The following EXOC6B variants were observed in gnomAD, a reference collection of about 807,000 sequenced individuals.
EXOC6B encodes exocyst complex component 6B.
EXOC6B carries 54 observed loss-of-function variants against 113.5 expected under a neutral mutation model. The observed-to-expected ratio is 0.48, with a 90% CI of 0.38 to 0.60. The LOEUF is 0.60. Ranked by LOEUF, EXOC6B falls within the 20% of genes least tolerant of loss-of-function variation. The pLI is 0.00. For missense variants in EXOC6B, 797 were observed against 977.5 expected, an observed-to-expected ratio of 0.82 and a Z score of 2.46; for synonymous variants, 357 against 339.0, an observed-to-expected ratio of 1.05 and a Z score of -0.58.
intron 8 of EXOC6B, among the ~76,000 whole-genome samples, chr2:72,522,601 G>A (rs6750766): frequency 0.85 from 128,486 of 152,040 alleles, 54,929 homozygotes; most frequent in East Asian, 0.99. Flanking sequence ...CTCCCTATTC[G>A]ATATATTTTC....
chr2:72,335,548 G>GCA (rs70963124), intron 19 of EXOC6B, among the ~76,000 whole-genome samples: 2,075 of 134,960 alleles, frequency 0.015, 40 homozygotes, highest in African/African-American at 0.045. Flanking sequence ...CTGCATTATT[G>GCA]CACACACACA....
At chr2:72,330,202 G>A (rs2104862088) in intron 20 of EXOC6B, among the ~76,000 whole-genome samples, 1 of 152,130 alleles carries the variant, frequency 6.6e-6, no homozygotes, top group East Asian at 1.9e-4. Context: ...AACATGGAAG[G>A]TAAACTATCA....
rs148269825 is a variant in EXOC6B at position 72,724,118 on chromosome 2, A to G, written c.465-5811T>C. On this transcript the variant is annotated intron_variant, in intron 5 of 21. Transcript: ENST00000272427. ...TGCAGAAAAAGAACTGCAGAAATTT[A>G]CACAGGGGTTCCCTTGAGTCTGCTA... Among the ~76,000 whole-genome samples the G allele has an allele frequency of 6.4e-3, 980 of 152,308 alleles. 24 individuals are homozygous for G. Among genetic ancestry groups the G allele is most frequent in the Admixed American group, 0.051 (774 of 15,274 alleles).
intron 17 of EXOC6B, among the ~76,000 whole-genome samples, chr2:72,472,085 A>T (rs1462304333): frequency 6.6e-6 from 1 of 152,094 alleles, no homozygotes; most frequent in Non-Finnish European, 1.5e-5. Flanking sequence ...CTTGATCATC[A>T]TACATTATCT....
chr2:72,733,035 CA>C lies in EXOC6B; in HGVS notation c.327+35del, dbSNP rs776628004. The C allele has an allele frequency of 1.2e-5, 18 of 1,458,502 alleles. No individual in the cohort carries two copies. The Admixed American group carries it at 3.4e-4, about 27-fold the overall frequency. The allele number at this position is 1,458,502 out of a possible 1,614,324, so 90.3% of individuals were successfully genotyped here. ...GTCATTAAAAGAGAGTGGCATGAAA[CA>C]GAAAAGATTTCTTCAAAAGGTAAAC... On this transcript the variant is annotated intron_variant, in intron 3 of 21. Transcript: ENST00000272427.
At chr2:72,181,518 T>G (rs1182466386) in intron 21 of EXOC6B, among the ~76,000 whole-genome samples, 1 of 152,136 alleles carries the variant, frequency 6.6e-6, no homozygotes, top group East Asian at 1.9e-4. Flanking sequence ...ATACAATATA[T>G]CTAAACATTA....
At chr2:72,430,212 C>T (rs2105294863) in intron 18 of EXOC6B, among the ~76,000 whole-genome samples, 1 of 152,292 alleles carries the variant, frequency 6.6e-6, no homozygotes, top group South Asian at 2.1e-4. Context: ...TAGCCAATAC[C>T]TTCTGCTCAT....
At chr2:72,698,507 C>T (rs1308309027) in intron 6 of EXOC6B, among the ~76,000 whole-genome samples, 1 of 151,908 alleles carries the variant, frequency 6.6e-6, no homozygotes, top group Non-Finnish European at 1.5e-5. Context: ...CTTACTCATA[C>T]TATATTATCT....
intron 17 of EXOC6B, among the ~76,000 whole-genome samples, chr2:72,469,913 T>C (rs1383363446): frequency 1.3e-5 from 2 of 152,178 alleles, no homozygotes; most frequent in Non-Finnish European, 2.9e-5. Flanking sequence ...AAAATACTCA[T>C]ATTTTTCCAT....
intron 6 of EXOC6B, among the ~76,000 whole-genome samples, chr2:72,633,023 T>C (rs1672577615): frequency 6.6e-6 from 1 of 152,194 alleles, no homozygotes; most frequent in Admixed American, 6.5e-5. Context: ...TTCCTGAAAC[T>C]AGAATGAACT....
At chr2:72,464,495 A>C (rs1420855222) in intron 18 of EXOC6B, 1 of 152,298 alleles carries the variant, frequency 6.6e-6, no homozygotes, top group Non-Finnish European at 1.5e-5. Context: ...ACCACAACCC[A>C]CCTGCCCATT....
rs141826011 is a variant in EXOC6B at position 72,194,569 on chromosome 2, TTCTC to T, written c.2197-10386_2197-10383del. Among the ~76,000 whole-genome samples the T allele has an allele frequency of 1.2e-3, 173 of 143,794 alleles. 2 individuals carry two copies. In the South Asian group the frequency reaches 0.016, roughly 13 times the overall value. The allele number at this position is 143,794 out of a possible 152,430, so 94.3% of individuals were successfully genotyped here. On this transcript the variant is annotated intron_variant, in intron 20 of 21. Coordinates refer to ENST00000272427, the MANE Select transcript of EXOC6B (RefSeq NM_015189.3). The stretch of plus-strand genomic sequence containing the variant: ...GCTCCCAATTGCTTGGGTGAATGAT[TTCTC>T]TCTCTCTCTCTCTCTCTCTCTCTCT...
chr2:72,616,530 C>T (rs1000382863), intron 6 of EXOC6B, among the ~76,000 whole-genome samples: 1 of 152,144 alleles, frequency 6.6e-6, no homozygotes, highest in African/African-American at 2.4e-5. Context: ...ACATTCATTG[C>T]TGAAGGCAAG....
At chr2:72,767,273 T>C (rs1289262393) in intron 1 of EXOC6B, among the ~76,000 whole-genome samples, 2 of 151,426 alleles carry the variant, frequency 1.3e-5, no homozygotes, top group East Asian at 3.9e-4. Context: ...CTACTAAAAA[T>C]ACAAAAAATT....
intron 18 of EXOC6B, among the ~76,000 whole-genome samples, chr2:72,403,264 A>G (rs1366275277): frequency 1.3e-5 from 2 of 152,206 alleles, no homozygotes; most frequent in Admixed American, 1.3e-4. Context: ...ATTTCACTTT[A>G]TAACATTTTG....
intron 20 of EXOC6B, among the ~76,000 whole-genome samples, chr2:72,220,187 T>C (rs1318929065): frequency 1.3e-5 from 2 of 152,238 alleles, no homozygotes; most frequent in African/African-American, 2.4e-5. Flanking sequence ...ATTTATCTGC[T>C]GGCATTCGTA....
At chr2:72,209,644 C>T (rs1373358866) in intron 20 of EXOC6B, among the ~76,000 whole-genome samples, 1 of 152,136 alleles carries the variant, frequency 6.6e-6, no homozygotes. Context: ...GTGTTTCAGC[C>T]AAACACCCAG....
intron 6 of EXOC6B, among the ~76,000 whole-genome samples, chr2:72,607,060 T>G (rs2104049006): frequency 6.6e-6 from 1 of 152,328 alleles, no homozygotes; most frequent in East Asian, 1.9e-4. Flanking sequence ...TTAAACATAT[T>G]GCCATTCTCA....
rs1677725172 is a variant in EXOC6B, at chr2:72,176,267, A to C, written c.*3068T>G. 6.7e-6 allele frequency: 1 copy of C among 149,660 alleles called. No homozygotes were observed. Among genetic ancestry groups the C allele is most frequent in the Non-Finnish European group, 1.5e-5 (1 of 67,164 alleles). The allele number at this position is 149,660 out of a possible 1,614,324, so 9.3% of individuals were successfully genotyped here. A position where few individuals can be genotyped will look rare whatever the true frequency, so the allele number is the denominator to read the frequency against. On this transcript the variant is annotated 3_prime_UTR_variant, in exon 22 of 22. Transcript: ENST00000272427. Reference sequence around the variant, plus strand: ...TAATTGTGAATGCAGGCAAAAAAAAAAAAAACAAAAAGGAAGAAGAAGAAG... The same window carrying C: ...TAATTGTGAATGCAGGCAAAAAAAACAAAAACAAAAAGGAAGAAGAAGAAG...
Sources: allele counts gnomAD v4.1 joint callset (sites outside exome capture counted in the v4.1 genomes callset), GRCh38; gene constraint gnomAD v4.1.1; transcripts MANE v1.5; gene names NCBI Gene and HGNC (gene_info 2026-07-23, HGNC 2026-07-21).